ANGPTL2: variants seen among roughly 807,000 people sequenced by gnomAD.
ANGPTL2 encodes angiopoietin like 2.
ANGPTL2 carries 25 observed loss-of-function variants against 52.8 expected under a neutral mutation model. The observed-to-expected ratio is 0.47, with a 90% confidence interval of 0.35 to 0.66. The LOEUF (loss-of-function observed/expected upper bound fraction) is 0.66. ANGPTL2 is among the 30% of genes least tolerant of loss of function. The probability of loss-of-function intolerance (pLI) is 0.01; values close to 1 mark genes in which losing one functional copy is unlikely to be tolerated. For synonymous variants in ANGPTL2, 276 were observed against 277.4 expected, an observed-to-expected ratio of 1.00 and a Z score of 0.05; for missense variants, 546 against 656.9, an observed-to-expected ratio of 0.83 and a Z score of 1.84.
intron 2 of ANGPTL2, among the ~76,000 whole-genome samples, chr9:127,101,584 A>C (rs1396296503): frequency 6.6e-6 from 1 of 152,170 alleles, no homozygotes; most frequent in Non-Finnish European, 1.5e-5. Context: ...AGAACCAATA[A>C]TAATAAATCC....
intron 1 of ANGPTL2, among the ~76,000 whole-genome samples, chr9:127,109,666 T>TG (rs978285199): frequency 6.6e-6 from 1 of 152,238 alleles, no homozygotes; most frequent in African/African-American, 2.4e-5. Flanking sequence ...AGATGTTGAT[T>TG]GAACACCTGT....
At chr9:127,096,460 C>T (rs940469412) in intron 2 of ANGPTL2, among the ~76,000 whole-genome samples, 7 of 152,150 alleles carry the variant, frequency 4.6e-5, no homozygotes, top group Admixed American at 4.6e-4. Context: ...GCTGCCAGGA[C>T]TGCTGCAGAA....
chr9:127,099,779 T>C (rs1170509402), intron 2 of ANGPTL2, among the ~76,000 whole-genome samples: 1 of 152,246 alleles, frequency 6.6e-6, no homozygotes, highest in African/African-American at 2.4e-5. Context: ...CCCAAAGGCA[T>C]TTCAGTTCCT....
chr9:127,096,664 G>A (rs2053175933), intron 2 of ANGPTL2, among the ~76,000 whole-genome samples: 1 of 152,114 alleles, frequency 6.6e-6, no homozygotes, highest in Non-Finnish European at 1.5e-5. Context: ...AATGTTTTGG[G>A]GCTACTAGTC....
chr9:127,106,575 T>C (rs1178943038), intron 2 of ANGPTL2, among the ~76,000 whole-genome samples: 1 of 152,190 alleles, frequency 6.6e-6, no homozygotes, highest in East Asian at 1.9e-4. Flanking sequence ...TTGCCTAATG[T>C]CCCAGAGCTA....
At chr9:127,103,471 T>C (rs926959216) in intron 2 of ANGPTL2, among the ~76,000 whole-genome samples, 1 of 152,226 alleles carries the variant, frequency 6.6e-6, no homozygotes, top group Non-Finnish European at 1.5e-5. Context: ...CTTAGCTATA[T>C]GTTGAAAGAC....
chr9:127,121,595 A>G (rs1198949830), intron 1 of ANGPTL2, among the ~76,000 whole-genome samples: 1 of 152,234 alleles, frequency 6.6e-6, no homozygotes, highest in Non-Finnish European at 1.5e-5. Flanking sequence ...GTTATCTAAT[A>G]CTGAGTGCTT....
chr9:127,113,812 T>C (rs1409450133), intron 1 of ANGPTL2, among the ~76,000 whole-genome samples: 1 of 152,176 alleles, frequency 6.6e-6, no homozygotes, highest in Non-Finnish European at 1.5e-5. Context: ...TCCGGTGGGC[T>C]GCCTCTGAAT....
Position 127,088,798 on chromosome 9 carries a change from T to G in ANGPTL2, c.*141A>C. ...GATTCAGTTCCATCATCCGCTGCAG[T>G]GACTTCGGAAAACAGAATCCAGCAT... On this transcript the variant is annotated 3_prime_UTR_variant, in exon 5 of 5. Transcript: ENST00000373425. The G allele has an allele frequency of 1.0e-6, 1 of 959,556 alleles. No homozygotes were observed. The highest frequency in any genetic ancestry group is 1.6e-6 in the Non-Finnish European group (1 of 627,314). 59.4% of individuals were successfully genotyped at this position (959,556 alleles called of 1,614,324 possible).
At chr9:127,106,657 G>C (rs1463978816) in intron 2 of ANGPTL2, among the ~76,000 whole-genome samples, 2 of 152,126 alleles carry the variant, frequency 1.3e-5, no homozygotes, top group African/African-American at 4.8e-5. Context: ...CCTGCACCCA[G>C]GCCAGGTCTT....
In ANGPTL2 at chr9:127,107,961, A is replaced by C. The variant is rs780531484; in HGVS notation, c.771T>G (p.Thr257=). The C allele has an allele frequency of 1.3e-6, 2 of 1,560,098 alleles. No homozygotes were observed. Among genetic ancestry groups the C allele is most frequent in the Non-Finnish European group, 1.7e-6 (2 of 1,147,420 alleles). Residue 257 remains threonine (T), a synonymous_variant, in exon 2 of 5, where the codon ACT becomes ACG. Transcript: ENST00000373425. ...ATGGGAGGCTGGTGAGAGTGGGCATAGTGGGCAGAGGGGGTGGCAGCACCT... is the reference window on the plus strand; with the variant it reads ...ATGGGAGGCTGGTGAGAGTGGGCATCGTGGGCAGAGGGGGTGGCAGCACCT... ...NLKVLPPPLP[T]MPTLTSLPSS...
chr9:127,114,778 C>T (rs1275518084), intron 1 of ANGPTL2, among the ~76,000 whole-genome samples: 1 of 152,270 alleles, frequency 6.6e-6, no homozygotes, highest in Admixed American at 6.5e-5. Flanking sequence ...CTGGAACTGC[C>T]AGCTGGCCCC....
intron 3 of ANGPTL2, among the ~76,000 whole-genome samples, chr9:127,092,316 C>A (rs1302167646): frequency 1.3e-5 from 2 of 152,186 alleles, no homozygotes; most frequent in East Asian, 1.9e-4. Flanking sequence ...TGAGCTTCAC[C>A]TCCTTCTCTG....
At chr9:127,112,377 G>A (rs1045977782) in intron 1 of ANGPTL2, among the ~76,000 whole-genome samples, 2 of 152,226 alleles carry the variant, frequency 1.3e-5, no homozygotes, top group Admixed American at 1.3e-4. Flanking sequence ...CTGGGCCAAC[G>A]CCTTCTTCAG....
intron 1 of ANGPTL2, among the ~76,000 whole-genome samples, chr9:127,117,564 A>G (rs983924771): frequency 6.6e-6 from 1 of 152,194 alleles, no homozygotes; most frequent in Admixed American, 6.5e-5. Context: ...CCATGCCCAG[A>G]TAGGGAAACT....
At chr9:127,118,942 G>T (rs2055747979) in intron 1 of ANGPTL2, among the ~76,000 whole-genome samples, 1 of 152,216 alleles carries the variant, frequency 6.6e-6, no homozygotes. Context: ...CCCAGTGTGG[G>T]TGATGAGGAC....
chr9:127,117,694 G>T (rs1164841166), intron 1 of ANGPTL2, among the ~76,000 whole-genome samples: 1 of 152,236 alleles, frequency 6.6e-6, no homozygotes, highest in Admixed American at 6.5e-5. Flanking sequence ...TGGGCCTGAG[G>T]CTTGCTTCAT....
Position 127,091,610 on chromosome 9 carries a change from C to T in ANGPTL2, c.1282+60G>A. On this transcript the variant is annotated intron_variant, in intron 4 of 4. Transcript: ENST00000373425. This position sits in a 1 kb window ranked among gnomAD's most constrained non-coding sequence, Gnocchi z 4.3. ...TTTCCAAGCCCTGGAGTCAGGGGCT[C>T]TGGCTCTGGTTGACCTCTTTTCCCT... is the stretch of plus-strand genomic sequence containing the variant. 6.4e-7 allele frequency: 1 copy of T among 1,568,908 alleles called. No homozygotes were observed. Among genetic ancestry groups the T allele is most frequent in the Non-Finnish European group, 8.6e-7 (1 of 1,156,998 alleles).
chr9:127,097,485 G>T (rs1260711353), intron 2 of ANGPTL2, among the ~76,000 whole-genome samples: 1 of 152,184 alleles, frequency 6.6e-6, no homozygotes, highest in Non-Finnish European at 1.5e-5. Flanking sequence ...GTAGACCTCT[G>T]TGAAATCTCC....
Sources: gnomAD v4.1 joint callset for allele counts (sites outside exome capture counted in the v4.1 genomes callset) on GRCh38, gnomAD v4.1.1 for gene constraint, Gnocchi (gnomAD v3.1) non-coding constraint, MANE v1.5 for transcripts, NCBI Gene and HGNC (gene_info 2026-07-23, HGNC 2026-07-21) for gene names.